Variants in GAREM1 observed in about 807,000 individuals in gnomAD.
The protein encoded by GAREM1 is GRB2 associated regulator of MAPK1 subtype 1.
In GAREM1, 26 loss-of-function variants were observed where a neutral mutation model predicts 71.3. That is an observed-to-expected ratio of 0.36 (90% CI 0.27 to 0.51). GAREM1 has a LOEUF of 0.51. GAREM1 is among the 20% of genes least tolerant of loss of function. The probability of loss-of-function intolerance (pLI) is 0.95; values close to 1 mark genes in which losing one functional copy is unlikely to be tolerated. For synonymous variants in GAREM1, 440 were observed against 433.2 expected, an observed-to-expected ratio of 1.02 and a Z score of -0.20; for missense variants, 1,026 against 1,103.1, an observed-to-expected ratio of 0.93 and a Z score of 0.99.
chr18:32,431,179 A>G (rs1309907611), intron 1 of GAREM1, among the ~76,000 whole-genome samples: 1 of 152,212 alleles, frequency 6.6e-6, no homozygotes, highest in East Asian at 1.9e-4. Flanking sequence ...GTAAATCTGA[A>G]GATAAATCAA....
At chr18:32,375,481 C>T (rs960117646) in intron 2 of GAREM1, among the ~76,000 whole-genome samples, 1 of 152,064 alleles carries the variant, frequency 6.6e-6, no homozygotes, top group African/African-American at 2.4e-5. Context: ...GAGTCCAATG[C>T]CAGTCTAAAT....
At chr18:32,457,206 GGA>G (rs143878009) in intron 1 of GAREM1, among the ~76,000 whole-genome samples, 3,107 of 101,518 alleles carry the variant, frequency 0.031, 52 homozygotes, top group Admixed American at 0.04. Context: ...GTGTAGGGGG[GGA>G]GAGAGAGAGA....
chr18:32,432,020 A>C (rs1207983054), intron 1 of GAREM1, among the ~76,000 whole-genome samples: 1 of 152,216 alleles, frequency 6.6e-6, no homozygotes, highest in Admixed American at 6.5e-5. Context: ...TCTAAGAGAA[A>C]TATCTGTTGT....
intron 2 of GAREM1, among the ~76,000 whole-genome samples, chr18:32,389,078 AG>A (rs534647398): frequency 3.7e-4 from 57 of 152,280 alleles, no homozygotes; most frequent in African/African-American, 1.3e-3. Context: ...GAGGAGGGTA[AG>A]AATGATAAAA....
At position 32,334,453 on chromosome 18, in the gene GAREM1, T is replaced by C. The variant is rs549298308; in HGVS notation, c.263-24130A>G. On this transcript the variant is annotated intron_variant, in intron 2 of 5. Transcript: ENST00000269209. ...AATACTCTTAAACAGTCACAGGGAG[T>C]GGGGGGAGGATGGACAAGCGAAAGC... 3.9e-3 allele frequency among the ~76,000 whole-genome samples: 587 copies of C among 150,770 alleles called. 1 individual carries two copies. Among genetic ancestry groups the C allele is most frequent in the Non-Finnish European group, 6.6e-3 (447 of 67,706 alleles).
In GAREM1 at chr18:32,336,424, C is replaced by A. The variant is rs188681177; in HGVS notation, c.263-26101G>T. ...CAGCCTGGGCAACAGAGCGAGACTC[C>A]GTCTCAAAAAAAAAAAAAAAAAAAA... is the stretch of plus-strand genomic sequence containing the variant. On this transcript the variant is annotated intron_variant, in intron 2 of 5. Transcript: ENST00000269209. 5.2e-3 allele frequency among the ~76,000 whole-genome samples: 686 copies of A among 132,698 alleles called. 6 individuals carry two copies. The highest frequency in any genetic ancestry group is 0.017 in the African/African-American group (566 of 32,862). The allele number at this position is 132,698 out of a possible 152,430, so 87.1% of individuals were successfully genotyped here.
At chr18:32,284,003 C>T (rs2046982062) in intron 4 of GAREM1, among the ~76,000 whole-genome samples, 1 of 152,194 alleles carries the variant, frequency 6.6e-6, no homozygotes, top group Non-Finnish European at 1.5e-5. Context: ...TGGCACATCT[C>T]TCTCCCAAGA....
chr18:32,361,456 A>G (rs765510480), intron 2 of GAREM1, among the ~76,000 whole-genome samples: 1 of 152,260 alleles, frequency 6.6e-6, no homozygotes, highest in Non-Finnish European at 1.5e-5. Context: ...GAAATTAAGA[A>G]TATATTACTT....
intron 2 of GAREM1, among the ~76,000 whole-genome samples, chr18:32,359,355 A>T (rs578202002): frequency 3.0e-4 from 46 of 152,262 alleles, no homozygotes; most frequent in African/African-American, 1.1e-3. Context: ...TCCATTATGT[A>T]GGAAGCTTAT....
chr18:32,445,971 T>C (rs771681015), intron 1 of GAREM1, among the ~76,000 whole-genome samples: 2 of 152,160 alleles, frequency 1.3e-5, no homozygotes, highest in Admixed American at 1.3e-4. Context: ...GTAAAATGCA[T>C]GTTGCTCGTC....
At chr18:32,295,467 A>G (rs958345488) in intron 3 of GAREM1, among the ~76,000 whole-genome samples, 1 of 152,160 alleles carries the variant, frequency 6.6e-6, no homozygotes, top group Non-Finnish European at 1.5e-5. Flanking sequence ...GCTTACATTA[A>G]ACCTAAGCTT....
chr18:32,292,925 A>G (rs2144483948), intron 3 of GAREM1, among the ~76,000 whole-genome samples: 1 of 152,312 alleles, frequency 6.6e-6, no homozygotes, highest in South Asian at 2.1e-4. Flanking sequence ...AGAAACTCTG[A>G]GTCAAATTTA....
chr18:32,450,761 G>C (rs2048828703), intron 1 of GAREM1, among the ~76,000 whole-genome samples: 1 of 152,172 alleles, frequency 6.6e-6, no homozygotes, highest in African/African-American at 2.4e-5. Context: ...CCTGTTGAAA[G>C]TTGGGTGTCG....
intron 2 of GAREM1, among the ~76,000 whole-genome samples, chr18:32,366,202 C>T (rs2047927238): frequency 6.6e-6 from 1 of 152,184 alleles, no homozygotes; most frequent in Non-Finnish European, 1.5e-5. Context: ...CCCAACTCTA[C>T]CTAGTACCAG....
At chr18:32,318,883 A>T (rs571449773) in intron 2 of GAREM1, among the ~76,000 whole-genome samples, 2 of 152,326 alleles carry the variant, frequency 1.3e-5, no homozygotes, top group Non-Finnish European at 2.9e-5. Flanking sequence ...CAAAATGTTA[A>T]AGTAGAAAAG....
At chr18:32,290,948 T>C (rs538694295) in intron 3 of GAREM1, among the ~76,000 whole-genome samples, 4 of 152,164 alleles carry the variant, frequency 2.6e-5, no homozygotes, top group South Asian at 4.1e-4. Context: ...AAATAACATA[T>C]GCATTTATCC....
At chr18:32,422,158 G>A (rs1374353404) in intron 1 of GAREM1, among the ~76,000 whole-genome samples, 5 of 151,610 alleles carry the variant, frequency 3.3e-5, no homozygotes, top group Non-Finnish European at 1.5e-5. Flanking sequence ...CCCCACAACA[G>A]GCCCTGGTGT....
Position 32,412,511 on chromosome 18 carries a change from G to T in GAREM1, c.122-19476C>A, listed in dbSNP as rs180730925. The T allele has an allele frequency of 5.6e-5, 90 of 1,596,490 alleles. 1 individual carries two copies. In the East Asian group the frequency reaches 1.9e-3, roughly 33 times the overall value. Reference sequence around the variant, plus strand: ...TGCCACCAAAGCCACCACGACCACTGAAGTTTCCTCCATGACCGAAGTTGT... The same window carrying T: ...TGCCACCAAAGCCACCACGACCACTTAAGTTTCCTCCATGACCGAAGTTGT... On this transcript the variant is annotated intron_variant, in intron 1 of 5. Transcript: ENST00000269209.
rs561771207 is a variant in GAREM1, at chr18:32,314,105, A to T, written c.263-3782T>A. Among the ~76,000 whole-genome samples, 22 of 147,758 alleles carry T rather than the reference A, an allele frequency of 1.5e-4. 1 individual carries two copies. In the South Asian group the frequency reaches 4.5e-3, roughly 30 times the overall value. ...GACAAAAAAAGTTTTTTTTTTTTTTAAATAAGGCAATTTCAAAATAACACT... is the reference window on the plus strand; with the variant it reads ...GACAAAAAAAGTTTTTTTTTTTTTTTAATAAGGCAATTTCAAAATAACACT... On this transcript the variant is annotated intron_variant, in intron 2 of 5. Transcript: ENST00000269209.
Sources: gnomAD v4.1 joint callset for allele counts (sites outside exome capture counted in the v4.1 genomes callset) on GRCh38, gnomAD v4.1.1 for gene constraint, MANE v1.5 for transcripts, NCBI Gene and HGNC (gene_info 2026-07-23, HGNC 2026-07-21) for gene names.